The following CFAP299 variants were observed in gnomAD, a reference collection of about 807,000 sequenced individuals.
CFAP299 encodes cilia and flagella associated protein 299.
In CFAP299, 21 loss-of-function variants were observed where a neutral mutation model predicts 27.0. That is an observed-to-expected ratio of 0.78 (90% confidence interval 0.55 to 1.12). CFAP299 has a LOEUF of 1.12. CFAP299 is among the 50% of genes most tolerant of loss of function. The pLI, the probability that CFAP299 is intolerant of heterozygous loss-of-function variation, is 0.00. For synonymous variants in CFAP299, 104 were observed against 98.1 expected (o/e 1.06, Z -0.36); for missense variants, 310 against 276.6 (o/e 1.12, Z -0.86).
chr4:80,373,048 G>T (rs1428451692), intron 2 of CFAP299, among the ~76,000 whole-genome samples: 2 of 152,106 alleles, frequency 1.3e-5, no homozygotes, highest in African/African-American at 4.8e-5. Flanking sequence ...ATTCAACATG[G>T]GGGTTGTGCC....
At chr4:80,882,500 C>T (rs74893981) in intron 4 of CFAP299, among the ~76,000 whole-genome samples, 88 of 151,830 alleles carry the variant, frequency 5.8e-4, no homozygotes, top group Non-Finnish European at 1.2e-4. Flanking sequence ...TAGCCGGGCG[C>T]GGTGGCAGGC....
At chr4:80,488,096 T>C (rs550375092) in intron 2 of CFAP299, among the ~76,000 whole-genome samples, 1 of 152,352 alleles carries the variant, frequency 6.6e-6, no homozygotes, top group South Asian at 2.1e-4. Context: ...AATAATGATT[T>C]GGACAAAGTA....
chr4:80,649,936 T>C (rs1030457547), intron 3 of CFAP299, among the ~76,000 whole-genome samples: 2 of 152,120 alleles, frequency 1.3e-5, no homozygotes, highest in African/African-American at 4.8e-5. Flanking sequence ...AAGTGGACAT[T>C]CATTTTTGTA....
chr4:80,649,574 A>G (rs1238408000), intron 3 of CFAP299, among the ~76,000 whole-genome samples: 3 of 152,180 alleles, frequency 2.0e-5, no homozygotes, highest in Admixed American at 1.3e-4. Context: ...TAAAATTTAA[A>G]TTAAGAAATA....
chr4:80,945,481 A>C (rs1273468216), intron 5 of CFAP299, among the ~76,000 whole-genome samples: 1 of 152,202 alleles, frequency 6.6e-6, no homozygotes, highest in South Asian at 2.1e-4. Flanking sequence ...AAATATTTAC[A>C]TCTTGCATAT....
intron 3 of CFAP299, among the ~76,000 whole-genome samples, chr4:80,826,259 A>C (rs1729978961): frequency 6.6e-6 from 1 of 151,934 alleles, no homozygotes; most frequent in East Asian, 1.9e-4. Context: ...GATAGTTAAA[A>C]TATTTCACTA....
chr4:80,759,086 T>C (rs1026481332), intron 3 of CFAP299, among the ~76,000 whole-genome samples: 4 of 152,176 alleles, frequency 2.6e-5, no homozygotes, highest in African/African-American at 9.6e-5. Flanking sequence ...CAAAAAGACA[T>C]AAAACTTGAT....
Position 80,857,987 on chromosome 4 carries a change from T to A in CFAP299, c.334-12006T>A, listed in dbSNP as rs1023337165. ...GAATAGTTTCAGAAGGAATGGTACC[T>A]GTTCCTCCTTGTACCTCTGGTAGAA... On this transcript the variant is annotated intron_variant, in intron 3 of 5. Coordinates refer to ENST00000358105, the MANE Select transcript of CFAP299 (RefSeq NM_152770.3). 5.3e-4 allele frequency among the ~76,000 whole-genome samples: 81 copies of A among 152,128 alleles called. No homozygotes were observed. In the East Asian group the frequency reaches 5.6e-3, roughly 11 times the overall value.
intron 3 of CFAP299, among the ~76,000 whole-genome samples, chr4:80,752,455 A>G (rs1027080110): frequency 3.4e-5 from 5 of 147,702 alleles, no homozygotes; most frequent in African/African-American, 1.2e-4. Flanking sequence ...CTATATATAT[A>G]AAATACAATA....
chr4:80,331,093 A>G (rs1279972752), upstream of CFAP299, among the ~76,000 whole-genome samples: 1 of 152,236 alleles, frequency 6.6e-6, no homozygotes, highest in African/African-American at 2.4e-5. Flanking sequence ...ACCGAGATCT[A>G]TAATAGGGAG....
chr4:80,804,975 GTTGAT>G (rs1331009535), intron 3 of CFAP299, among the ~76,000 whole-genome samples: 1 of 151,918 alleles, frequency 6.6e-6, no homozygotes, highest in Admixed American at 6.6e-5. Flanking sequence ...TTTTTGTGTA[GTTGAT>G]TTTTTGGAGT....
At chr4:80,794,434 A>G (rs1372879185) in intron 3 of CFAP299, among the ~76,000 whole-genome samples, 2 of 152,200 alleles carry the variant, frequency 1.3e-5, no homozygotes, top group African/African-American at 4.8e-5. Flanking sequence ...TGGGAGGAAC[A>G]GTATCATGTA....
chr4:80,902,417 AAT>A (rs1314689260), intron 4 of CFAP299, among the ~76,000 whole-genome samples: 2 of 133,402 alleles, frequency 1.5e-5, no homozygotes, highest in African/African-American at 2.9e-5. Context: ...ATAAATATAT[AAT>A]ATGTTTATAT....
At chr4:80,332,415 A>C (rs1445089741), upstream of CFAP299, among the ~76,000 whole-genome samples, 1 of 152,144 alleles carries the variant, frequency 6.6e-6, no homozygotes, top group Admixed American at 6.5e-5. Context: ...ATAAATTAAC[A>C]ACAAAGAAGA....
intron 3 of CFAP299, among the ~76,000 whole-genome samples, chr4:80,699,440 A>C (rs939668983): frequency 6.6e-6 from 1 of 152,124 alleles, no homozygotes; most frequent in Non-Finnish European, 1.5e-5. Flanking sequence ...CACAATTACT[A>C]CTGCACCAGG....
At chr4:80,538,702 C>T (rs1381225029) in intron 2 of CFAP299, among the ~76,000 whole-genome samples, 2 of 152,166 alleles carry the variant, frequency 1.3e-5, no homozygotes, top group Non-Finnish European at 2.9e-5. Context: ...CTAGGAGAAA[C>T]AGGCTATACC....
intron 4 of CFAP299, among the ~76,000 whole-genome samples, chr4:80,929,566 A>G (rs1280020582): frequency 1.3e-5 from 2 of 152,196 alleles, no homozygotes; most frequent in African/African-American, 2.4e-5. Flanking sequence ...TATCTTCTAT[A>G]TATTTCCTAA....
At chr4:80,805,516 G>A (rs1728818602) in intron 3 of CFAP299, among the ~76,000 whole-genome samples, 2 of 152,050 alleles carry the variant, frequency 1.3e-5, no homozygotes, top group South Asian at 4.1e-4. Context: ...TCAGAACATA[G>A]TAGTACACTA....
intron 2 of CFAP299, among the ~76,000 whole-genome samples, chr4:80,508,175 C>T (rs892665405): frequency 2.0e-5 from 3 of 152,072 alleles, no homozygotes; most frequent in South Asian, 2.1e-4. Context: ...CCTTATCTTC[C>T]GAAATCTGCT....
Sources: gnomAD v4.1 joint callset for allele counts (sites outside exome capture counted in the v4.1 genomes callset) on GRCh38, gnomAD v4.1.1 for gene constraint, MANE v1.5 for transcripts, NCBI Gene and HGNC (gene_info 2026-07-23, HGNC 2026-07-21) for gene names.